The following ZNF385D variants were observed in gnomAD, a reference collection of about 807,000 sequenced individuals.
ZNF385D encodes the protein zinc finger protein 385D.
In ZNF385D, 15 loss-of-function variants were observed where a neutral mutation model predicts 35.8. The observed-to-expected ratio is 0.42, with a 90% CI of 0.28 to 0.64. The LOEUF is 0.64. Among genes scored for constraint, ZNF385D ranks in the 30% least tolerant of loss-of-function variants. The pLI is 0.23. For missense variants in ZNF385D, 474 were observed against 494.6 expected (o/e 0.96, Z 0.39); for synonymous variants, 212 against 186.8 (o/e 1.13, Z -1.10).
In ZNF385D at chr3:21,963,511, A is replaced by G. The variant is rs1178941874; in HGVS notation, c.325+205306T>C. On this transcript the variant is annotated intron_variant, in intron 3 of 5. Transcript: ENST00000494108. Reference sequence around the variant, plus strand: ...TAAGATTCTGAACATAGTAATCCATATATAAAACTTCTGATCTCAATCTAT... The same window carrying G: ...TAAGATTCTGAACATAGTAATCCATGTATAAAACTTCTGATCTCAATCTAT... 3.3e-5 allele frequency among the ~76,000 whole-genome samples: 5 copies of G among 152,190 alleles called. No homozygotes were observed. The East Asian group carries it at 9.6e-4, about 29-fold the overall frequency.
chr3:21,811,449 G>C (rs1369574283), intron 3 of ZNF385D, among the ~76,000 whole-genome samples: 1 of 151,876 alleles, frequency 6.6e-6, no homozygotes, highest in African/African-American at 2.4e-5. Context: ...TCCCAAGAGG[G>C]GACAATGTTA....
At chr3:22,210,800 T>G (rs1697469653) in intron 2 of ZNF385D, among the ~76,000 whole-genome samples, 1 of 150,694 alleles carries the variant, frequency 6.6e-6, no homozygotes. Context: ...CTCACCACTC[T>G]GGATCCATGT....
At chr3:22,320,069 T>C (rs1234219598) in intron 2 of ZNF385D, among the ~76,000 whole-genome samples, 3 of 151,996 alleles carry the variant, frequency 2.0e-5, no homozygotes, top group Non-Finnish European at 4.4e-5. Flanking sequence ...TTTTTTTTTT[T>C]TTTAAGGAGT....
At chr3:21,688,200 A>AT (rs2067171253) in intron 1 of ZNF385D, among the ~76,000 whole-genome samples, 1 of 152,184 alleles carries the variant, frequency 6.6e-6, no homozygotes, top group Admixed American at 6.5e-5. Flanking sequence ...TTGCAAAAGC[A>AT]TAAGTGCTTG....
intron 1 of ZNF385D, among the ~76,000 whole-genome samples, chr3:21,701,423 TC>T: frequency 6.6e-6 from 1 of 152,122 alleles, no homozygotes; most frequent in East Asian, 1.9e-4. Context: ...TTCAGTTACC[TC>T]CCCCTGGGTC....
intron 3 of ZNF385D, among the ~76,000 whole-genome samples, chr3:22,096,736 T>C (rs1178868568): frequency 6.6e-6 from 1 of 152,032 alleles, no homozygotes; most frequent in Non-Finnish European, 1.5e-5. Flanking sequence ...GTTCTATGTG[T>C]CATGGCACAT....
At chr3:21,702,188 G>A (rs1162101999) in intron 1 of ZNF385D, among the ~76,000 whole-genome samples, 1 of 152,214 alleles carries the variant, frequency 6.6e-6, no homozygotes, top group Non-Finnish European at 1.5e-5. Context: ...TGGGCATCCA[G>A]GCGTTTCAAT....
intron 3 of ZNF385D, chr3:21,959,005 G>T (rs935020123): frequency 6.6e-6 from 1 of 152,096 alleles, no homozygotes; most frequent in Non-Finnish European, 1.5e-5. Flanking sequence ...CATCTACTGG[G>T]ATTGTAGCAT....
intron 2 of ZNF385D, among the ~76,000 whole-genome samples, chr3:22,192,284 T>G (rs1207856079): frequency 6.6e-6 from 1 of 152,148 alleles, no homozygotes; most frequent in Non-Finnish European, 1.5e-5. Flanking sequence ...GAGTTGCCAA[T>G]AGCCTTTGTT....
intron 2 of ZNF385D, among the ~76,000 whole-genome samples, chr3:22,296,296 C>G (rs1445161660): frequency 6.6e-6 from 1 of 152,156 alleles, no homozygotes; most frequent in East Asian, 1.9e-4. Flanking sequence ...CTCTGTGTGG[C>G]ATTAGCGGGG....
At chr3:22,306,534 C>G (rs1336997306) in intron 2 of ZNF385D, among the ~76,000 whole-genome samples, 1 of 151,976 alleles carries the variant, frequency 6.6e-6, no homozygotes, top group South Asian at 2.1e-4. Context: ...CCTTCATAAT[C>G]AAGAGAACAA....
chr3:21,596,467 T>A (rs2064130136), intron 2 of ZNF385D, among the ~76,000 whole-genome samples: 1 of 152,000 alleles, frequency 6.6e-6, no homozygotes, highest in Non-Finnish European at 1.5e-5. Flanking sequence ...ATATTCTCAT[T>A]TTTTGAGGTG....
intron 4 of ZNF385D, among the ~76,000 whole-genome samples, chr3:21,497,433 A>G (rs2125426396): frequency 6.6e-6 from 1 of 152,350 alleles, no homozygotes; most frequent in East Asian, 1.9e-4. Context: ...ATGCTCATGG[A>G]TAGAAAGAAT....
chr3:21,691,967 G>GGAGT (rs1311355420), intron 1 of ZNF385D, among the ~76,000 whole-genome samples: 1 of 152,082 alleles, frequency 6.6e-6, no homozygotes, highest in Non-Finnish European at 1.5e-5. Context: ...TCCTAGGCGT[G>GGAGT]GAGTCATATA....
chr3:21,480,184 C>A (rs1469189214), intron 4 of ZNF385D, among the ~76,000 whole-genome samples: 1 of 149,448 alleles, frequency 6.7e-6, no homozygotes, highest in Non-Finnish European at 1.5e-5. Flanking sequence ...CTCACTGCAA[C>A]CTCTGCCTCT....
chr3:22,363,698 T>C (rs1021927544), intron 2 of ZNF385D, among the ~76,000 whole-genome samples: 3 of 152,252 alleles, frequency 2.0e-5, no homozygotes, highest in African/African-American at 7.2e-5. Flanking sequence ...GTCTGGTGAG[T>C]GTGTATTCTT....
intron 2 of ZNF385D, among the ~76,000 whole-genome samples, chr3:22,341,739 T>C (rs1422389501): frequency 6.6e-6 from 1 of 152,162 alleles, no homozygotes; most frequent in Non-Finnish European, 1.5e-5. Flanking sequence ...TAACTGCCTA[T>C]GGAATCAAAT....
At chr3:22,271,465 G>GA (rs143804958) in intron 2 of ZNF385D, among the ~76,000 whole-genome samples, 183 of 150,676 alleles carry the variant, frequency 1.2e-3, no homozygotes, top group Middle Eastern at 6.9e-3. Context: ...TAACTGCATA[G>GA]AAAAAAAAAT....
At position 21,429,295 on chromosome 3, in the gene ZNF385D, A is replaced by G. The variant is rs149393470; in HGVS notation, c.674-3625T>C. Among the ~76,000 whole-genome samples, 509 of 152,222 alleles carry G rather than the reference A, an allele frequency of 3.3e-3. 2 individuals are homozygous for G. Among genetic ancestry groups the G allele is most frequent in the East Asian group, 0.012 (64 of 5,174 alleles). ...ATCATGTACCAGTCTTTTATATTCT[A>G]TTTGTACATGTGCATTTTAAAAAGT... On this transcript the variant is annotated intron_variant, in intron 5 of 7. Transcript: ENST00000281523.
Sources: gnomAD v4.1 joint callset for allele counts (sites outside exome capture counted in the v4.1 genomes callset) on GRCh38, gnomAD v4.1.1 for gene constraint, MANE v1.5 for transcripts, NCBI Gene and HGNC (gene_info 2026-07-23, HGNC 2026-07-21) for gene names.